Variants in NOP2 observed in about 807,000 individuals in gnomAD.
The protein encoded by NOP2 is 28S rRNA (cytosine(4447)-C(5))-methyltransferase.
A neutral mutation model predicts 72.7 loss-of-function variants in NOP2; 7 were observed. The ratio of observed to expected loss-of-function variants is 0.10; its 90% CI spans 0.05 to 0.18. The LOEUF (loss-of-function observed/expected upper bound fraction) is 0.18, where lower values mean the gene tolerates loss of function less well. Among genes scored for constraint, NOP2 ranks in the 10% least tolerant of loss-of-function variants. The pLI is 1.00. For synonymous variants in NOP2, 387 were observed against 388.0 expected (o/e 1.00, Z 0.03); for missense variants, 954 against 1,014.7 (o/e 0.94, Z 0.81).
rs1452325395 is a variant in NOP2, at chr12:6,560,594, C to A, written c.1438-25G>T. On this transcript the variant is annotated intron_variant, in intron 13 of 15. Transcript: ENST00000322166. The surrounding 1 kb of genome is among the most constrained non-coding windows in gnomAD (Gnocchi z 5.0). ...CCTGTCCCAAAAAGAGACCCAAAGGCAGCCTCAGGAGGAGAGGGGAGCCCA... is the reference window on the plus strand; with the variant it reads ...CCTGTCCCAAAAAGAGACCCAAAGGAAGCCTCAGGAGGAGAGGGGAGCCCA... 6.3e-7 allele frequency: 1 copy of A among 1,598,936 alleles called. No individual in the cohort carries two copies.
intron 3 of NOP2, 40 bp downstream of exon 3, chr12:6,566,737 T>C (rs1283446408): frequency 1.9e-6 from 3 of 1,602,470 alleles, no homozygotes; most frequent in Non-Finnish European, 2.6e-6. Flanking sequence ...AGATGAGCAG[T>C]ACCAATTTAA....
chr12:6,566,059 A>C (rs1362542715), intron 5 of NOP2, 42 bp downstream of exon 5: 3 of 1,492,254 alleles, frequency 2.0e-6, no homozygotes, highest in Non-Finnish European at 1.8e-6. Flanking sequence ...GAAACTAAAT[A>C]GCAAGGATCC....
Position 6,560,098 on chromosome 12 carries a change from C to T in NOP2, c.1789G>A (p.Gly597Arg), listed in dbSNP as rs761075650. 6.2e-7 allele frequency: 1 copy of T among 1,606,512 alleles called. No individual in the cohort carries two copies. The highest frequency in any genetic ancestry group is 2.2e-5 in the East Asian group (1 of 44,846). The change falls in exon 15 of 16, where the codon GGA becomes AGA. Residue 597 changes from glycine (G) to arginine (R), a missense_variant and splice_region_variant. Physicochemically the swap from Gly to Arg is moderately radical, Grantham distance 125. Transcript: ENST00000322166. The surrounding 1 kb of genome is among the most constrained non-coding windows in gnomAD (Gnocchi z 5.0). ...FSNSIPQSQT[G>R]NSETATPTNV... Reference sequence around the variant, plus strand: ...CGAAGGGAAGAAAAAGATTACTTACCTGTCTGGGACTGAGGGATAGAATTG... The same window carrying T: ...CGAAGGGAAGAAAAAGATTACTTACTTGTCTGGGACTGAGGGATAGAATTG...
chr12:6,567,536 C>T, intron 2 of NOP2: 3 of 318,784 alleles, frequency 9.4e-6, no homozygotes, highest in Non-Finnish European at 5.7e-6. Context: ...TTAACAAAAA[C>T]TTTTACAGTT....
chr12:6,560,082 G>GA lies in NOP2; in HGVS notation c.1789+15dup. On this transcript the variant is annotated intron_variant, in intron 15 of 15. Coordinates refer to ENST00000322166, the MANE Select transcript of NOP2 (RefSeq NM_001258308.2). This position sits in a 1 kb window ranked among gnomAD's most constrained non-coding sequence, Gnocchi z 5.0. ...AGAGCAAAGGTGGTGACGAAGGGAA[G>GA]AAAAAGATTACTTACCTGTCTGGGA... 1 of 1,586,688 alleles carries GA rather than the reference G, an allele frequency of 6.3e-7. No homozygotes were observed. Among genetic ancestry groups the GA allele is most frequent in the Non-Finnish European group, 8.7e-7 (1 of 1,155,260 alleles).
intron 10 of NOP2, 28 bp from the exon 11 acceptor site, chr12:6,561,832 G>T: frequency 6.2e-7 from 1 of 1,609,316 alleles, no homozygotes; most frequent in Non-Finnish European, 8.5e-7. Flanking sequence ...CCTGTGACAT[G>T]CGGTAGGGAC....
rs763594177 is a variant in NOP2, at chr12:6,563,177, G to C, written c.889-7C>G. 1 of 1,581,422 alleles carries C rather than the reference G, an allele frequency of 6.3e-7. No homozygotes were observed. Among genetic ancestry groups the C allele is most frequent in the Non-Finnish European group, 8.6e-7 (1 of 1,163,894 alleles). ...CTTCTAAGAACTCCACCAGCTGCGGGGCAAGACAGCAGGGAATAAGTGAGG... is the reference window on the plus strand; with the variant it reads ...CTTCTAAGAACTCCACCAGCTGCGGCGCAAGACAGCAGGGAATAAGTGAGG... On this transcript the variant is annotated splice_polypyrimidine_tract_variant and splice_region_variant and intron_variant, in intron 8 of 15. Transcript: ENST00000322166.
At chr12:6,559,423 C>T (rs1228017813) in intron 15 of NOP2, among the ~76,000 whole-genome samples, 1 of 152,026 alleles carries the variant, frequency 6.6e-6, no homozygotes, top group Non-Finnish European at 1.5e-5. Flanking sequence ...CTGGCCACAC[C>T]CAGCTAATTC....
chr12:6,560,110 G>C lies in NOP2; in HGVS notation c.1777C>G (p.Gln593Glu). ...AAAGATTACTTACCTGTCTGGGACT[G>C]AGGGATAGAATTGGAAAATTTCTTG... ...KFKKFSNSIPQSQTGNSETAT... is the reference protein window; with the variant it reads ...KFKKFSNSIPESQTGNSETAT... Residue 593 changes from glutamine to glutamate, a missense_variant, in exon 15 of 16, where the codon CAG becomes GAG. Physicochemically the swap from Gln to Glu is conservative, Grantham distance 29. Around this residue, in one of 3 missense-constraint regions of NOP2, gnomAD observed 269 missense variants for 260.2 expected, o/e 1.03. Transcript: ENST00000322166. This position sits in a 1 kb window ranked among gnomAD's most constrained non-coding sequence, Gnocchi z 5.0. 6.2e-7 allele frequency: 1 copy of C among 1,612,528 alleles called. No homozygotes were observed. The highest frequency in any genetic ancestry group is 8.5e-7 in the Non-Finnish European group (1 of 1,178,524).
At chr12:6,562,633 C>T (rs2267967) in intron 9 of NOP2, among the ~76,000 whole-genome samples, 4,714 of 152,256 alleles carry the variant, frequency 0.031, 273 homozygotes, top group East Asian at 0.26. Context: ...TACCACATTA[C>T]ATTATTAGGT....
chr12:6,563,046 T>G, intron 9 of NOP2, 35 bp downstream of exon 9: 1 of 1,547,016 alleles, frequency 6.5e-7, no homozygotes, highest in South Asian at 1.2e-5. Context: ...TCACTTCCCT[T>G]CTGAGATGAG....
chr12:6,562,957 G>T, intron 9 of NOP2, 124 bp downstream of exon 9: 1 of 933,584 alleles, frequency 1.1e-6, no homozygotes, highest in Non-Finnish European at 1.7e-6. Flanking sequence ...CTCTGGGTTT[G>T]CCCCCCCAGG....
At chr12:6,558,753 G>C (rs1411193352) in intron 15 of NOP2, among the ~76,000 whole-genome samples, 1 of 151,510 alleles carries the variant, frequency 6.6e-6, no homozygotes, top group Non-Finnish European at 1.5e-5. Flanking sequence ...TGGAACTACT[G>C]TCTCCCTTTG....
At chr12:6,567,719 C>T in intron 2 of NOP2, 97 bp downstream of exon 2, 1 of 964,558 alleles carries the variant, frequency 1.0e-6, no homozygotes, top group South Asian at 1.6e-5. Context: ...GAAGATTCCA[C>T]TTAAATATAA....
chr12:6,566,227 CTCCTCT>C lies in NOP2; in HGVS notation c.342_347del (p.Glu117_Glu118del), dbSNP rs1464902153. The C allele has an allele frequency of 6.2e-7, 1 of 1,614,014 alleles. No individual in the cohort carries two copies. Among genetic ancestry groups the C allele is most frequent in the Non-Finnish European group, 8.5e-7 (1 of 1,179,888 alleles). On this transcript the variant is annotated inframe_deletion, in exon 5 of 16. Transcript: ENST00000322166. The stretch of plus-strand genomic sequence containing the variant: ...TACCATCTTCTTCAGAGTCTTCCTC[CTCCTCT>C]TCCTCATCACTGCCAGGTGCTGGGC...
chr12:6,560,214 C>A lies in NOP2; in HGVS notation c.1673G>T (p.Arg558Leu), dbSNP rs202020626. The A allele has an allele frequency of 1.2e-4, 200 of 1,613,786 alleles. 2 individuals carry two copies. Among genetic ancestry groups the A allele is most frequent in the Non-Finnish European group, 7.6e-6 (9 of 1,179,872 alleles). The change falls in exon 15 of 16, where the codon CGC (arginine) becomes CTC (leucine). Residue 558 changes from arginine (R) to leucine (L), a missense_variant. Coordinates refer to ENST00000322166, the MANE Select transcript of NOP2 (RefSeq NM_001258308.2). The surrounding 1 kb of genome is among the most constrained non-coding windows in gnomAD (Gnocchi z 5.0). ...GGTAGAACGCAGACTGGGGTGGAAGCGCCTTTCTCGAAAGCGGGTAAAACC... is the reference window on the plus strand; with the variant it reads ...GGTAGAACGCAGACTGGGGTGGAAGAGCCTTTCTCGAAAGCGGGTAAAACC... ...QEGFTRFRER[R>L]FHPSLRSTRR...
intron 4 of NOP2, 34 bp downstream of exon 4, chr12:6,566,495 C>A: frequency 6.3e-7 from 1 of 1,597,918 alleles, no homozygotes; most frequent in South Asian, 1.1e-5. Context: ...CAAAGGGACT[C>A]CTCATGTAGC....
intron 11 of NOP2, 78 bp downstream of exon 11, chr12:6,561,586 G>T: frequency 1.9e-6 from 3 of 1,567,774 alleles, no homozygotes; most frequent in Non-Finnish European, 2.6e-6. Context: ...GCACTAGTGA[G>T]TCAGCAACCC....
At chr12:6,564,574 C>T (rs1338339615) in intron 5 of NOP2, among the ~76,000 whole-genome samples, 5 of 151,742 alleles carry the variant, frequency 3.3e-5, no homozygotes, top group East Asian at 2.0e-4. Flanking sequence ...ATTATAGGCG[C>T]GCACCACCAT....
Sources: allele counts gnomAD v4.1 joint callset (sites outside exome capture counted in the v4.1 genomes callset), GRCh38; gene constraint gnomAD v4.1.1; regional missense constraint gnomAD v4.1.1; non-coding constraint Gnocchi (gnomAD v3.1); transcripts MANE v1.5; gene names NCBI Gene and HGNC (gene_info 2026-07-23, HGNC 2026-07-21).